Variants in THBS1 observed in about 807,000 individuals in gnomAD.
THBS1 encodes thrombospondin-1.
A neutral mutation model predicts 126.1 loss-of-function variants in THBS1; 29 were observed. The observed-to-expected ratio is 0.23, with a 90% confidence interval of 0.17 to 0.31. The LOEUF (loss-of-function observed/expected upper bound fraction) is 0.31. Among genes scored for constraint, THBS1 ranks in the 10% least tolerant of loss-of-function variants. THBS1 has a pLI of 1.00. For missense variants in THBS1, 1,198 were observed against 1,545.2 expected (o/e 0.78, Z 3.77); for synonymous variants, 496 against 577.8 (o/e 0.86, Z 2.03).
Position 39,593,494 on chromosome 15 carries a change from C to T in THBS1, c.3093C>T (p.Ser1031=), listed in dbSNP as rs201701143. 1.5e-4 allele frequency: 242 copies of T among 1,614,038 alleles called. 1 individual carries two copies. The highest frequency in any genetic ancestry group is 1.8e-5 in the Non-Finnish European group (21 of 1,180,034). ...CTGGATTTGTCTTTGGCTACCAGTC[C>T]AGCAGCCGCTTTTATGTTGTGATGT... ...DYAGFVFGYQ[S]SSRFYVVMWK... The change falls in exon 19 of 22, where the codon TCC becomes TCT. Residue 1031 remains serine (S), a synonymous_variant. Coordinates refer to ENST00000260356, the MANE Select transcript of THBS1 (RefSeq NM_003246.4). The surrounding 1 kb of genome is among the most constrained non-coding windows in gnomAD (Gnocchi z 5.9).
At position 39,589,898 on chromosome 15, in the gene THBS1, T is replaced by C. The variant is rs141379711; in HGVS notation, c.2020T>C (p.Tyr674His). The change falls in exon 13 of 22, where the codon TAC (tyrosine) becomes CAC (histidine). Residue 674 changes from tyrosine (Y) to histidine (H), a missense_variant. Physicochemically the swap from Tyr to His is moderately conservative, Grantham distance 83. Around this residue, in one of 4 missense-constraint regions of THBS1, gnomAD observed 663 missense variants for 860.1 expected, o/e 0.77. Transcript: ENST00000260356. This position sits in a 1 kb window ranked among gnomAD's most constrained non-coding sequence, Gnocchi z 4.7. ...NYLGHYSDPMYRCECKPGYAG... is the reference protein window; with the variant it reads ...NYLGHYSDPMHRCECKPGYAG... ...CCTGGGCCACTATAGCGACCCCATG[T>C]ACCGCTGCGAGTGCAAGCCTGGCTA... The C allele has an allele frequency of 1.2e-4, 187 of 1,614,204 alleles. No homozygotes were observed. In the African/African-American group the frequency reaches 2.3e-3, roughly 20 times the overall value.
chr15:39,589,326 G>A lies in THBS1; in HGVS notation c.1898G>A (p.Gly633Asp). ...RFTGSQPFGQGVEHATANKQV... is the reference protein window; with the variant it reads ...RFTGSQPFGQDVEHATANKQV... ...ACCGGCTCACAGCCCTTCGGCCAGG[G>A]TGTCGAACATGCCACGGCCAACAAA... Residue 633 changes from glycine (G) to aspartate (D), a missense_variant, in exon 12 of 22, where the codon GGT becomes GAT. Physicochemically the swap from Gly to Asp is moderately conservative, Grantham distance 94. Transcript: ENST00000260356. This position sits in a 1 kb window ranked among gnomAD's most constrained non-coding sequence, Gnocchi z 4.7. The A allele has an allele frequency of 6.2e-7, 1 of 1,614,042 alleles. No homozygotes were observed. The highest frequency in any genetic ancestry group is 1.1e-5 in the South Asian group (1 of 91,080).
chr15:39,593,785 C>A lies in THBS1; in HGVS notation c.3267+117C>A. 7.1e-7 allele frequency: 1 copy of A among 1,405,370 alleles called. No homozygotes were observed. The highest frequency in any genetic ancestry group is 1.4e-5 in the South Asian group (1 of 72,692). 87.1% of individuals were successfully genotyped at this position (1,405,370 alleles called of 1,614,324 possible). ...AGTCTTAGAAAGTTCCCAGCATCAC[C>A]AGCTGCAGCATTGAACTCTGCTTTG... On this transcript the variant is annotated intron_variant, in intron 19 of 21. Transcript: ENST00000260356. The surrounding 1 kb of genome is among the most constrained non-coding windows in gnomAD (Gnocchi z 5.9).
Position 39,593,269 on chromosome 15 carries a change from A to C in THBS1, c.2995+42A>C, listed in dbSNP as rs16969364. 1.2e-6 allele frequency: 2 copies of C among 1,610,950 alleles called. No individual in the cohort carries two copies. Among genetic ancestry groups the C allele is most frequent in the Non-Finnish European group, 1.7e-6 (2 of 1,177,298 alleles). On this transcript the variant is annotated intron_variant, in intron 18 of 21. Coordinates refer to ENST00000260356, the MANE Select transcript of THBS1 (RefSeq NM_003246.4). This position sits in a 1 kb window ranked among gnomAD's most constrained non-coding sequence, Gnocchi z 5.9. The stretch of plus-strand genomic sequence containing the variant: ...TAGATCCTAAGAGACTGATGCATAC[A>C]TGGGGAAAAACAAATATAAAACCTG...
intron 8 of THBS1, 123 bp from the exon 9 acceptor site, chr15:39,587,919 C>T (rs1457658675): frequency 4.2e-6 from 4 of 948,336 alleles, no homozygotes; most frequent in Admixed American, 2.6e-5. Flanking sequence ...CAATTTCTAC[C>T]GTACACTGGG....
Position 39,592,664 on chromosome 15 carries a change from G to T in THBS1, c.2629G>T (p.Val877Leu), listed in dbSNP as rs771135348. Residue 877 changes from valine (V) to leucine (L), a missense_variant, in exon 17 of 22, where the codon GTG becomes TTG. Physicochemically the swap from Val to Leu is conservative, Grantham distance 32. Transcript: ENST00000260356. This position sits in a 1 kb window ranked among gnomAD's most constrained non-coding sequence, Gnocchi z 4.3. ...HQNNLDNCPY[V>L]PNANQADHDK... is the part of the protein sequence containing the mutation. The stretch of plus-strand genomic sequence containing the variant: ...GAACAATCTGGACAACTGTCCCTAT[G>T]TGCCCAATGCCAACCAGGCTGACCA... 9.9e-6 allele frequency: 16 copies of T among 1,614,168 alleles called. No individual in the cohort carries two copies. The highest frequency in any genetic ancestry group is 1.7e-4 in the Middle Eastern group (1 of 6,060).
Position 39,598,103 on chromosome 15 carries a change from CA to C in THBS1, c.*2736del, listed in dbSNP as rs1413381865. ...ATGTGAAGAAAAGGCCCAAGTGTAC[CA>C]ATAAGCAGACCTTGATTTTTGGATG... On this transcript the variant is annotated 3_prime_UTR_variant, in exon 22 of 22. Transcript: ENST00000260356. The C allele has an allele frequency of 1.3e-5, 2 of 152,154 alleles. No individual in the cohort carries two copies. Among genetic ancestry groups the C allele is most frequent in the African/African-American group, 4.8e-5 (2 of 41,442 alleles). 9.4% of individuals were successfully genotyped at this position (152,154 alleles called of 1,614,324 possible). A position where few individuals can be genotyped will look rare whatever the true frequency, so the allele number is the denominator to read the frequency against.
At chr15:39,590,749 A>C in intron 14 of THBS1, 126 bp downstream of exon 14, 1 of 736,940 alleles carries the variant, frequency 1.4e-6, no homozygotes, top group Non-Finnish European at 2.3e-6. Flanking sequence ...GGATAATTAG[A>C]AATTATTCAT....
In THBS1 at chr15:39,593,792, A is replaced by G; in HGVS notation, c.3267+124A>G. 1 of 1,358,710 alleles carries G rather than the reference A, an allele frequency of 7.4e-7. No homozygotes were observed. Among genetic ancestry groups the G allele is most frequent in the Non-Finnish European group, 1.0e-6 (1 of 994,906 alleles). 84.2% of individuals were successfully genotyped at this position (1,358,710 alleles called of 1,614,324 possible). A position where few individuals can be genotyped will look rare whatever the true frequency, so the allele number is the denominator to read the frequency against. On this transcript the variant is annotated intron_variant, in intron 19 of 21. Transcript: ENST00000260356. The surrounding 1 kb of genome is among the most constrained non-coding windows in gnomAD (Gnocchi z 5.9). ...GAAAGTTCCCAGCATCACCAGCTGC[A>G]GCATTGAACTCTGCTTTGTAAAAAC...
rs1890231595 is a variant in THBS1 at position 39,587,499 on chromosome 15, A to G, written c.1273A>G (p.Ile425Val). The G allele has an allele frequency of 1.2e-6, 2 of 1,613,406 alleles. No individual in the cohort carries two copies. The highest frequency in any genetic ancestry group is 1.7e-5 in the Admixed American group (1 of 59,954). Residue 425 changes from isoleucine to valine, a missense_variant, in exon 8 of 22, where the codon ATT becomes GTT. Physicochemically the swap from Ile to Val is conservative, Grantham distance 29. Coordinates refer to ENST00000260356, the MANE Select transcript of THBS1 (RefSeq NM_003246.4). ...GSSVQTRTCH[I>V]QECDKRFKQD... is the part of the protein sequence containing the mutation. ...CTCGGTCCAGACACGGACCTGCCACATTCAGGAGTGTGACAAGAGATGTAA... is the reference window on the plus strand; with the variant it reads ...CTCGGTCCAGACACGGACCTGCCACGTTCAGGAGTGTGACAAGAGATGTAA...
intron 8 of THBS1, 39 bp downstream of exon 8, chr15:39,587,559 C>G (rs1422052584): frequency 6.4e-7 from 1 of 1,574,502 alleles, no homozygotes; most frequent in African/African-American, 1.3e-5. Flanking sequence ...GAGAACTGAC[C>G]TGTCCTTGTT....
At position 39,589,858 on chromosome 15, in the gene THBS1, C is replaced by T. The variant is rs148609363; in HGVS notation, c.1980C>T (p.Asn660=). Residue 660 remains asparagine (N), a synonymous_variant, in exon 13 of 22, where the codon AAC becomes AAT. Transcript: ENST00000260356. The surrounding 1 kb of genome is among the most constrained non-coding windows in gnomAD (Gnocchi z 4.7). ...ATGGGACCCACGACTGCAACAAGAA[C>T]GCCAAGTGCAACTACCTGGGCCACT... The part of the protein sequence containing the change: ...CTDGTHDCNK[N]AKCNYLGHYS... 134 of 1,614,044 alleles carry T rather than the reference C, an allele frequency of 8.3e-5. 1 individual carries two copies. Among genetic ancestry groups the T allele is most frequent in the African/African-American group, 4.8e-4 (36 of 74,928 alleles).
intron 3 of THBS1, among the ~76,000 whole-genome samples, chr15:39,583,320 G>A (rs1026852821): frequency 1.3e-5 from 2 of 152,150 alleles, no homozygotes; most frequent in African/African-American, 2.4e-5. Flanking sequence ...TTTGACACTG[G>A]AAAGTGTCAT....
Position 39,582,574 on chromosome 15 carries a change from C to G in THBS1, c.449C>G (p.Thr150Ser). 1 of 1,614,160 alleles carries G rather than the reference C, an allele frequency of 6.2e-7. No homozygotes were observed. The highest frequency in any genetic ancestry group is 8.5e-7 in the Non-Finnish European group (1 of 1,180,042). ...VVSVEEALLA[T>S]GQWKSITLFV... ...TCTGTGGAAGAAGCTCTCCTGGCAACCGGCCAGTGGAAGAGCATCACCCTG... is the reference window on the plus strand; with the variant it reads ...TCTGTGGAAGAAGCTCTCCTGGCAAGCGGCCAGTGGAAGAGCATCACCCTG... The change falls in exon 3 of 22, where the codon ACC becomes AGC. Residue 150 changes from threonine (T) to serine (S), a missense_variant. Transcript: ENST00000260356.
At chr15:39,591,704 C>A in intron 16 of THBS1, 81 bp downstream of exon 16, 1 of 1,298,720 alleles carries the variant, frequency 7.7e-7, no homozygotes, top group Non-Finnish European at 1.1e-6. Flanking sequence ...ATGAGCTTAA[C>A]AAAGTTCAAA....
At chr15:39,581,665 T>C in intron 1 of THBS1, 164 bp from the exon 2 acceptor site, 1 of 507,390 alleles carries the variant, frequency 2.0e-6, no homozygotes, top group South Asian at 3.2e-5. Flanking sequence ...TCTCTCTCTC[T>C]CTCATGCTCT....
chr15:39,589,332 A>C lies in THBS1; in HGVS notation c.1904A>C (p.Glu635Ala). ...TCACAGCCCTTCGGCCAGGGTGTCG[A>C]ACATGCCACGGCCAACAAACAGGTA... ...TGSQPFGQGVEHATANKQVCK... is the reference protein window; with the variant it reads ...TGSQPFGQGVAHATANKQVCK... The change falls in exon 12 of 22, where the codon GAA becomes GCA. Residue 635 changes from glutamate to alanine, a missense_variant. Physicochemically the swap from Glu to Ala is moderately radical, Grantham distance 107 (BLOSUM62 -1). Around this residue, in one of 4 missense-constraint regions of THBS1, gnomAD observed 663 missense variants for 860.1 expected, o/e 0.77. Coordinates refer to ENST00000260356, the MANE Select transcript of THBS1 (RefSeq NM_003246.4). The surrounding 1 kb of genome is among the most constrained non-coding windows in gnomAD (Gnocchi z 4.7). 6.2e-7 allele frequency: 1 copy of C among 1,614,058 alleles called. No homozygotes were observed. Among genetic ancestry groups the C allele is most frequent in the Non-Finnish European group, 8.5e-7 (1 of 1,180,024 alleles).
Position 39,591,566 on chromosome 15 carries a change from T to G in THBS1, c.2475T>G (p.Asp825Glu). The change falls in exon 16 of 22, where the codon GAT becomes GAG. Residue 825 changes from aspartate (D) to glutamate (E), a missense_variant. Transcript: ENST00000260356. ...YVYNVDQRDT[D>E]MDGVGDQCDN... ...ACAATGTGGACCAGAGAGACACTGA[T>G]ATGGATGGGGTTGGAGATCAGTGTG... is the stretch of plus-strand genomic sequence containing the variant. The G allele has an allele frequency of 6.2e-7, 1 of 1,614,186 alleles. No homozygotes were observed. Among genetic ancestry groups the G allele is most frequent in the Non-Finnish European group, 8.5e-7 (1 of 1,180,032 alleles).
chr15:39,590,095 T>C (rs1890298453), intron 13 of THBS1, 72 bp downstream of exon 13: 2 of 1,286,316 alleles, frequency 1.6e-6, no homozygotes, highest in Non-Finnish European at 2.1e-6. Context: ...CTAAGGAATT[T>C]TAAATACTTA....
Sources: gnomAD v4.1 joint callset for allele counts (sites outside exome capture counted in the v4.1 genomes callset) on GRCh38, gnomAD v4.1.1 for gene constraint, gnomAD v4.1.1 regional missense constraint, Gnocchi (gnomAD v3.1) non-coding constraint, MANE v1.5 for transcripts, NCBI Gene and HGNC (gene_info 2026-07-23, HGNC 2026-07-21) for gene names.